The following PKD1 variants were observed in gnomAD, a reference collection of about 807,000 sequenced individuals.
PKD1 encodes polycystin-1.
Under a neutral mutation model 361.7 loss-of-function variants are expected in PKD1, and 81 were observed. The observed-to-expected ratio is 0.22, with a 90% CI of 0.19 to 0.27. The LOEUF (loss-of-function observed/expected upper bound fraction) is 0.27. Ranked by LOEUF, PKD1 falls within the 10% of genes least tolerant of loss-of-function variation. The probability of loss-of-function intolerance (pLI) is 1.00; values close to 1 mark genes in which losing one functional copy is unlikely to be tolerated. For synonymous variants in PKD1, 3,615 were observed against 2,818.3 expected (o/e 1.28, Z -8.95); for missense variants, 6,399 against 6,118.3 (o/e 1.05, Z -1.53).
chr16:2,116,000 C>T lies in PKD1; in HGVS notation c.1841G>A (p.Ser614Asn), dbSNP rs1231568100. 9 of 1,263,538 alleles carry T rather than the reference C, an allele frequency of 7.1e-6. No individual in the cohort carries two copies. Among genetic ancestry groups the T allele is most frequent in the Non-Finnish European group, 9.5e-6 (9 of 950,018 alleles). The allele number at this position is 1,263,538 out of a possible 1,614,324, so 78.3% of individuals were successfully genotyped here. A position where few individuals can be genotyped will look rare whatever the true frequency, so the allele number is the denominator to read the frequency against. The change falls in exon 9 of 46, where the codon AGC (serine) becomes AAC (asparagine). Residue 614 changes from serine (S) to asparagine (N), a missense_variant. Ser to Asn is a conservative substitution (Grantham distance 46). Transcript: ENST00000262304. ...QLRLQVYRLL[S>N]TAGTPENGSE... ...ACCACCCAGAGTCCCACCTGCTGTG[C>T]TGAGGAGCCGGTACACCTGCAGCCG...
In PKD1 at chr16:2,088,863, A is replaced by G. The variant is rs2091265512; in HGVS notation, c.*864T>C. On this transcript the variant is annotated 3_prime_UTR_variant, in exon 46 of 46. Transcript: ENST00000262304. ...TGAGGCTGCCTGGGCCATACAGCAC[A>G]CTCGCGCGTGCGCGCGCGCACACAC... The G allele has an allele frequency of 5.5e-6, 3 of 542,326 alleles. No homozygotes were observed. The highest frequency in any genetic ancestry group is 9.8e-6 in the Non-Finnish European group (3 of 307,454). The allele number at this position is 542,326 out of a possible 1,614,324, so 33.6% of individuals were successfully genotyped here.
At chr16:2,127,141 C>G (rs2092809397) in intron 1 of PKD1, among the ~76,000 whole-genome samples, 1 of 152,312 alleles carries the variant, frequency 6.6e-6, no homozygotes, top group South Asian at 2.1e-4. Flanking sequence ...TGCCCACCAG[C>G]GACAGCGCAC....
chr16:2,108,860 G>C lies in PKD1; in HGVS notation c.6307C>G (p.Gln2103Glu). ...HWDFGDGSPGQDTDEPRAEHS... is the reference protein window; with the variant it reads ...HWDFGDGSPGEDTDEPRAEHS... ...TCGGCCCTGGGCTCATCTGTGTCCT[G>C]CCCTGGCGACCCATCCCCAAAGTCC... Residue 2103 changes from glutamine (Q) to glutamate (E), a missense_variant, in exon 15 of 46, where the codon CAG (glutamine) becomes GAG (glutamate). Transcript: ENST00000262304. 1.3e-6 allele frequency: 2 copies of C among 1,575,462 alleles called. No homozygotes were observed. The highest frequency in any genetic ancestry group is 1.7e-6 in the Non-Finnish European group (2 of 1,161,742).
Position 2,113,447 on chromosome 16 carries a change from G to A in PKD1, c.2854-155C>T, listed in dbSNP as rs535432832. 56 of 868,916 alleles carry A rather than the reference G, an allele frequency of 6.4e-5. 3 individuals carry two copies. The highest frequency in any genetic ancestry group is 6.0e-4 in the South Asian group (40 of 67,172). The allele number at this position is 868,916 out of a possible 1,614,324, so 53.8% of individuals were successfully genotyped here. On this transcript the variant is annotated intron_variant, in intron 11 of 45. Coordinates refer to ENST00000262304, the MANE Select transcript of PKD1 (RefSeq NM_001009944.3). ...TCTGCATGCCATGGGAGCCAAGCCC[G>A]GGCTGGGACACTCACTGTCCGGCTC... is the stretch of plus-strand genomic sequence containing the variant.
At position 2,099,701 on chromosome 16, in the gene PKD1, C is replaced by G. The variant is rs572880907; in HGVS notation, c.9993G>C (p.Val3331=). ...TGGCCAGGTAGACGGGATAGACAAC[C>G]ACGCTGGACACCAGGCCAACAGCGA... The part of the protein sequence containing the change: ...DTVAVGLVSS[V]VVYPVYLAIL... The change falls in exon 30 of 46, where the codon GTG becomes GTC. Residue 3331 remains valine, a synonymous_variant. Coordinates refer to ENST00000262304, the MANE Select transcript of PKD1 (RefSeq NM_001009944.3). 6.3e-6 allele frequency: 10 copies of G among 1,590,110 alleles called. 1 individual carries two copies. In the South Asian group the frequency reaches 7.8e-5, roughly 12 times the overall value.
In PKD1 at chr16:2,091,183, G is replaced by T. The variant is rs746951901; in HGVS notation, c.11713-9C>A. On this transcript the variant is annotated splice_polypyrimidine_tract_variant and intron_variant, in intron 42 of 45. Transcript: ENST00000262304. ...AACAGCAGCAGGCACACCTGTGGGG[G>T]GCGCGGTCAGGAGGGCGGGAGGGAC... 3.5e-4 allele frequency: 494 copies of T among 1,405,478 alleles called. No individual in the cohort carries two copies. The highest frequency in any genetic ancestry group is 7.9e-4 in the Middle Eastern group (3 of 3,806). 87.1% of individuals were successfully genotyped at this position (1,405,478 alleles called of 1,614,324 possible).
chr16:2,112,298 G>C (rs751546743), intron 14 of PKD1, 42 bp downstream of exon 14: 2 of 1,555,046 alleles, frequency 1.3e-6, no homozygotes, highest in South Asian at 1.1e-5. Context: ...CCCGTGCTCA[G>C]AGCCTGAAAG....
In PKD1 at chr16:2,113,179, C is replaced by T. The variant is rs1324429294; in HGVS notation, c.2967G>A (p.Ala989=). The T allele has an allele frequency of 2.8e-5, 31 of 1,089,564 alleles. No individual in the cohort carries two copies. Among genetic ancestry groups the T allele is most frequent in the Middle Eastern group, 2.9e-4 (1 of 3,462 alleles). The allele number at this position is 1,089,564 out of a possible 1,614,324, so 67.5% of individuals were successfully genotyped here. Reference sequence around the variant, plus strand: ...CACCTACTGAGAGCTTGAAGACCGCCGCGCTCTGATAAATGACATTGAAGA... The same window carrying T: ...CACCTACTGAGAGCTTGAAGACCGCTGCGCTCTGATAAATGACATTGAAGA... ...NVVFNVIYQS[A]AVFKLSLTAS... is the part of the protein sequence containing the mutation. The change falls in exon 12 of 46, where the codon GCG becomes GCA. Residue 989 remains alanine, a synonymous_variant. Transcript: ENST00000262304.
rs763663291 is a variant in PKD1, at chr16:2,108,749, T to C, written c.6418A>G (p.Thr2140Ala). The change falls in exon 15 of 46, where the codon ACC (threonine) becomes GCC (alanine). Residue 2140 changes from threonine to alanine, a missense_variant. Physicochemically the swap from Thr to Ala is moderately conservative, Grantham distance 58. Transcript: ENST00000262304. Reference sequence around the variant, plus strand: ...TCCCGGCAGGCCAGCACCTGGACGGTCACCGTGGCCTGCGCCACGAAGAAG... The same window carrying C: ...TCCCGGCAGGCCAGCACCTGGACGGCCACCGTGGCCTGCGCCACGAAGAAG... Reference protein sequence around the residue: ...VSFFVAQATVTVQVLACREPE... With the variant: ...VSFFVAQATVAVQVLACREPE... The C allele has an allele frequency of 6.4e-7, 1 of 1,571,068 alleles. No individual in the cohort carries two copies. The highest frequency in any genetic ancestry group is 1.2e-5 in the South Asian group (1 of 86,310).
In PKD1 at chr16:2,111,778, G is replaced by C; in HGVS notation, c.3389C>G (p.Ala1130Gly). The change falls in exon 15 of 46, where the codon GCT (alanine) becomes GGT (glycine). Residue 1130 changes from alanine (A) to glycine (G), a missense_variant. Transcript: ENST00000262304. ...CAGGACGCCGTCACTCACACCCACA[G>C]CCACGGAGGGCAGGGAGGCGCGCAC... is the stretch of plus-strand genomic sequence containing the variant. ...VSVRASLPSV[A>G]VGVSDGVLVA... 1 of 1,607,842 alleles carries C rather than the reference G, an allele frequency of 6.2e-7. No homozygotes were observed. The highest frequency in any genetic ancestry group is 8.5e-7 in the Non-Finnish European group (1 of 1,178,582).
chr16:2,115,132 A>T, intron 10 of PKD1: 1 of 951,300 alleles, frequency 1.1e-6, no homozygotes, highest in Non-Finnish European at 1.3e-6. Context: ...GACCTGGCAG[A>T]CAGGAAGGAG....
intron 40 of PKD1, 60 bp from the exon 41 acceptor site, chr16:2,091,966 G>A: frequency 6.2e-7 from 1 of 1,611,932 alleles, no homozygotes; most frequent in Non-Finnish European, 8.5e-7. Context: ...CCGGAGCCAG[G>A]CTGGTCAGGA....
chr16:2,111,903 G>T lies in PKD1; in HGVS notation c.3296-32C>A, dbSNP rs373715262. Reference sequence around the variant, plus strand: ...GGACAGGCCCGAGTGGGGCAGCCGCGGCACCCCCACCTGCTCCCCACCCGC... The same window carrying T: ...GGACAGGCCCGAGTGGGGCAGCCGCTGCACCCCCACCTGCTCCCCACCCGC... On this transcript the variant is annotated intron_variant, in intron 14 of 45. Coordinates refer to ENST00000262304, the MANE Select transcript of PKD1 (RefSeq NM_001009944.3). The T allele has an allele frequency of 3.7e-6, 6 of 1,608,124 alleles. No homozygotes were observed. The South Asian group carries it at 6.6e-5, about 18-fold the overall frequency.
intron 6 of PKD1, 111 bp from the exon 7 acceptor site, chr16:2,117,164 T>A (rs1181674963): frequency 2.5e-5 from 17 of 682,890 alleles, no homozygotes; most frequent in Non-Finnish European, 4.0e-5. Context: ...ATGGGGAAAC[T>A]GAGGCTCAGA....
At position 2,093,607 on chromosome 16, in the gene PKD1, G is replaced by C. The variant is rs111672772; in HGVS notation, c.10953C>G (p.Gly3651=). The C allele has an allele frequency of 1.9e-6, 3 of 1,609,280 alleles. No individual in the cohort carries two copies. The highest frequency in any genetic ancestry group is 2.5e-6 in the Non-Finnish European group (3 of 1,178,288). The change falls in exon 37 of 46, where the codon GGC becomes GGG. Residue 3651 remains glycine, a synonymous_variant. Transcript: ENST00000262304. ...CTTCCTTGGCCAGGAAGAGTGCAAA[G>C]CCGTGGGGTGGCCGTACGCGGGGCA... ...ARVPRVRPPH[G]FALFLAKEEA...
rs903733292 is a variant in PKD1, at chr16:2,118,570, G to A, written c.529+106C>T. On this transcript the variant is annotated intron_variant, in intron 4 of 45. Coordinates refer to ENST00000262304, the MANE Select transcript of PKD1 (RefSeq NM_001009944.3). This position sits in a 1 kb window ranked among gnomAD's most constrained non-coding sequence, Gnocchi z 6.0. ...GGCTCCCATGCTGTTCCCTTGGCCC[G>A]GAGGCCCCCCCCAGAGAGGCCTTCC... 47 of 975,888 alleles carry A rather than the reference G, an allele frequency of 4.8e-5. No individual in the cohort carries two copies. The highest frequency in any genetic ancestry group is 2.6e-4 in the East Asian group (10 of 38,470). The allele number at this position is 975,888 out of a possible 1,614,324, so 60.5% of individuals were successfully genotyped here.
At chr16:2,134,579 T>C (rs951927587) in intron 1 of PKD1, among the ~76,000 whole-genome samples, 15 of 151,350 alleles carry the variant, frequency 9.9e-5, no homozygotes, top group African/African-American at 3.4e-4. Flanking sequence ...CCTGGGCACC[T>C]CATAGTTCCA....
At position 2,114,685 on chromosome 16, in the gene PKD1, C is replaced by A. The variant is rs780727251; in HGVS notation, c.2338G>T (p.Val780Leu). 17 of 1,540,120 alleles carry A rather than the reference C, an allele frequency of 1.1e-5. No homozygotes were observed. In the South Asian group the frequency reaches 1.5e-4, roughly 14 times the overall value. ...GGGTTGGGCCTCAAGCCCAGCAGCA[C>A]GGTGAGCTGTTCCGTGGCTGCAAGC... ...RLLAATEQLT[V>L]LLGLRPNPGL... The change falls in exon 11 of 46, where the codon GTG (valine) becomes TTG (leucine). Residue 780 changes from valine to leucine, a missense_variant. Coordinates refer to ENST00000262304, the MANE Select transcript of PKD1 (RefSeq NM_001009944.3).
chr16:2,126,410 G>A (rs2092800659), intron 1 of PKD1, among the ~76,000 whole-genome samples: 1 of 152,276 alleles, frequency 6.6e-6, no homozygotes, highest in African/African-American at 2.4e-5. Context: ...CTGGGCCTCG[G>A]GAGCTGCAGG....
Sources: gnomAD v4.1 joint callset for allele counts (sites outside exome capture counted in the v4.1 genomes callset) on GRCh38, gnomAD v4.1.1 for gene constraint, Gnocchi (gnomAD v3.1) non-coding constraint, MANE v1.5 for transcripts, NCBI Gene and HGNC (gene_info 2026-07-23, HGNC 2026-07-21) for gene names.